The following SLC24A3 variants were observed in gnomAD, a reference collection of about 807,000 sequenced individuals.
SLC24A3 encodes the protein sodium/potassium/calcium exchanger 3.
A neutral mutation model predicts 75.8 loss-of-function variants in SLC24A3; 28 were observed. The ratio of observed to expected loss-of-function variants is 0.37; its 90% CI spans 0.27 to 0.51. The LOEUF is 0.51. Ranked by LOEUF, SLC24A3 falls within the 20% of genes least tolerant of loss-of-function variation. SLC24A3 has a pLI of 0.94. For missense variants in SLC24A3, 663 were observed against 847.8 expected, an observed-to-expected ratio of 0.78 and a Z score of 2.71; for synonymous variants, 372 against 334.1, an observed-to-expected ratio of 1.11 and a Z score of -1.24.
chr20:19,556,781 C>G (rs1026819612), intron 3 of SLC24A3, among the ~76,000 whole-genome samples: 1 of 152,104 alleles, frequency 6.6e-6, no homozygotes, highest in African/African-American at 2.4e-5. Flanking sequence ...CCTTACTGAC[C>G]TCAAACCCAA....
At chr20:19,488,905 T>G (rs1988166912) in intron 2 of SLC24A3, among the ~76,000 whole-genome samples, 1 of 152,214 alleles carries the variant, frequency 6.6e-6, no homozygotes, top group Non-Finnish European at 1.5e-5. Flanking sequence ...AGCCCACCAA[T>G]GTGGCATTAT....
intron 1 of SLC24A3, among the ~76,000 whole-genome samples, chr20:19,266,541 A>G (rs1279407650): frequency 6.6e-6 from 1 of 152,222 alleles, no homozygotes; most frequent in Non-Finnish European, 1.5e-5. Context: ...ACAGCAGACA[A>G]TTTTATACTC....
chr20:19,320,275 C>T (rs1984678836), intron 2 of SLC24A3, among the ~76,000 whole-genome samples: 1 of 152,172 alleles, frequency 6.6e-6, no homozygotes, highest in Non-Finnish European at 1.5e-5. Flanking sequence ...TGGTAATTTC[C>T]TAACATCATA....
intron 7 of SLC24A3, among the ~76,000 whole-genome samples, chr20:19,660,769 A>T (rs895084817): frequency 4.6e-5 from 7 of 152,220 alleles, no homozygotes; most frequent in East Asian, 3.9e-4. Context: ...TTCAGCCCTC[A>T]GGTCTTTCAG....
chr20:19,302,013 G>A (rs1984207555), intron 2 of SLC24A3, among the ~76,000 whole-genome samples: 1 of 152,214 alleles, frequency 6.6e-6, no homozygotes, highest in Non-Finnish European at 1.5e-5. Flanking sequence ...GCTAGGCTAA[G>A]GGCTCTAGCT....
chr20:19,642,683 G>T (rs191965091), intron 6 of SLC24A3, among the ~76,000 whole-genome samples: 38 of 152,320 alleles, frequency 2.5e-4, no homozygotes, highest in Non-Finnish European at 1.6e-4. Flanking sequence ...ACTCTGCTGA[G>T]ATGGTCTTCA....
At chr20:19,258,468 G>T (rs1023291712) in intron 1 of SLC24A3, among the ~76,000 whole-genome samples, 2 of 152,218 alleles carry the variant, frequency 1.3e-5, no homozygotes, top group Non-Finnish European at 2.9e-5. Flanking sequence ...CACTTTGGGA[G>T]GCTGAGGTGG....
chr20:19,262,114 G>A lies in SLC24A3; in HGVS notation c.143-18845G>A, dbSNP rs147980530. Among the ~76,000 whole-genome samples, 1,506 of 152,238 alleles carry A rather than the reference G, an allele frequency of 9.9e-3. 23 individuals are homozygous for A. Among genetic ancestry groups the A allele is most frequent in the African/African-American group, 0.033 (1,368 of 41,554 alleles). ...CAAGCATCGCCTCTATACACAGAAAGAGAGAGAGGCCGGGCGCGGTGGCTC... is the reference window on the plus strand; with the variant it reads ...CAAGCATCGCCTCTATACACAGAAAAAGAGAGAGGCCGGGCGCGGTGGCTC... On this transcript the variant is annotated intron_variant, in intron 1 of 16. Coordinates refer to ENST00000328041, the MANE Select transcript of SLC24A3 (RefSeq NM_020689.4).
chr20:19,285,479 A>AAAG, intron 2 of SLC24A3, among the ~76,000 whole-genome samples: 1 of 132,624 alleles, frequency 7.5e-6, no homozygotes, highest in Non-Finnish European at 1.6e-5. Context: ...CCCTGTCTCA[A>AAAG]AAAAAAAAAA....
intron 1 of SLC24A3, among the ~76,000 whole-genome samples, chr20:19,254,354 G>A (rs540417345): frequency 3.3e-5 from 5 of 152,116 alleles, no homozygotes; most frequent in Admixed American, 6.5e-5. Flanking sequence ...GTGGGGACGC[G>A]GCCTCCCCAC....
At chr20:19,350,410 A>T (rs1985540973) in intron 2 of SLC24A3, among the ~76,000 whole-genome samples, 2 of 151,664 alleles carry the variant, frequency 1.3e-5, no homozygotes, top group African/African-American at 2.4e-5. Flanking sequence ...TTTTATGATG[A>T]CTTTTTGTGC....
intron 6 of SLC24A3, among the ~76,000 whole-genome samples, chr20:19,589,890 C>A (rs1234503401): frequency 6.6e-6 from 1 of 152,092 alleles, no homozygotes; most frequent in Non-Finnish European, 1.5e-5. Flanking sequence ...GTAGTTAAGA[C>A]TGAATTTGAG....
intron 1 of SLC24A3, among the ~76,000 whole-genome samples, chr20:19,240,283 G>A (rs1376927061): frequency 6.6e-6 from 1 of 152,150 alleles, no homozygotes; most frequent in Non-Finnish European, 1.5e-5. Context: ...AGCCATTGCA[G>A]CCTCAATGGT....
chr20:19,631,779 T>A (rs541957388), intron 6 of SLC24A3, among the ~76,000 whole-genome samples: 1 of 139,246 alleles, frequency 7.2e-6, no homozygotes, highest in South Asian at 2.4e-4. Context: ...TGTATCTGTG[T>A]GTATGAGTGA....
chr20:19,656,891 A>G (rs777151964), intron 7 of SLC24A3, among the ~76,000 whole-genome samples: 5 of 152,248 alleles, frequency 3.3e-5, no homozygotes, highest in Non-Finnish European at 1.5e-5. Context: ...GATATATCAA[A>G]GATAAAATGA....
At chr20:19,596,597 C>T (rs1217756351) in intron 6 of SLC24A3, among the ~76,000 whole-genome samples, 1 of 152,068 alleles carries the variant, frequency 6.6e-6, no homozygotes, top group Admixed American at 6.6e-5. Flanking sequence ...ATTCACTGGC[C>T]CTGCCCAACC....
At chr20:19,670,063 C>T (rs2032448316) in intron 8 of SLC24A3, among the ~76,000 whole-genome samples, 1 of 152,134 alleles carries the variant, frequency 6.6e-6, no homozygotes. Flanking sequence ...TGGATGCTTC[C>T]TAAGCACCTC....
At chr20:19,620,513 A>G (rs927646247) in intron 6 of SLC24A3, among the ~76,000 whole-genome samples, 1 of 152,258 alleles carries the variant, frequency 6.6e-6, no homozygotes, top group Non-Finnish European at 1.5e-5. Flanking sequence ...GCAGTTTGAC[A>G]TTAAAGCTTG....
At chr20:19,492,636 T>A (rs1988225234) in intron 2 of SLC24A3, among the ~76,000 whole-genome samples, 1 of 152,236 alleles carries the variant, frequency 6.6e-6, no homozygotes, top group South Asian at 2.1e-4. Context: ...CATATTTACA[T>A]GTTCACCATA....
Sources: gnomAD v4.1 joint callset for allele counts (sites outside exome capture counted in the v4.1 genomes callset) on GRCh38, gnomAD v4.1.1 for gene constraint, MANE v1.5 for transcripts, NCBI Gene and HGNC (gene_info 2026-07-23, HGNC 2026-07-21) for gene names.